CTNND2: variants seen among roughly 807,000 people sequenced by gnomAD.
The protein encoded by CTNND2 is catenin delta-2.
CTNND2 carries 22 observed loss-of-function variants against 144.4 expected under a neutral mutation model. That is an observed-to-expected ratio of 0.15 (90% confidence interval 0.11 to 0.22). The LOEUF (loss-of-function observed/expected upper bound fraction) is 0.22, where lower values mean the gene tolerates loss of function less well. CTNND2 is among the 10% of genes least tolerant of loss of function. The pLI, the probability that CTNND2 is intolerant of heterozygous loss-of-function variation, is 1.00. For missense variants in CTNND2, 1,353 were observed against 1,618.8 expected (o/e 0.84, Z 2.82); for synonymous variants, 751 against 695.6 (o/e 1.08, Z -1.25).
chr5:11,866,891 C>A (rs1397694143), intron 1 of CTNND2, among the ~76,000 whole-genome samples: 1 of 152,202 alleles, frequency 6.6e-6, no homozygotes, highest in African/African-American at 2.4e-5. Flanking sequence ...TGAACTCACT[C>A]CAAGACACTG....
chr5:11,762,534 T>G (rs1581841529), intron 1 of CTNND2, among the ~76,000 whole-genome samples: 1 of 152,286 alleles, frequency 6.6e-6, no homozygotes, highest in East Asian at 1.9e-4. Flanking sequence ...GAAAAGTAAA[T>G]TAAAGACAAA....
At chr5:11,086,243 G>A (rs867817067) in intron 15 of CTNND2, among the ~76,000 whole-genome samples, 22 of 152,198 alleles carry the variant, frequency 1.4e-4, no homozygotes, top group Middle Eastern at 3.4e-3. Context: ...ATGGAGGCAG[G>A]TGTGGGCCAA....
chr5:10,988,631 C>T lies in CTNND2; in HGVS notation c.3212-389G>A, dbSNP rs1241806501. 6.6e-6 allele frequency among the ~76,000 whole-genome samples: 1 copy of T among 152,126 alleles called. No homozygotes were observed. The highest frequency in any genetic ancestry group is 1.9e-4 in the East Asian group (1 of 5,198). Reference sequence around the variant, plus strand: ...TTCCTTCCCTTTCCTTCCCGTGCTCCCTTCCTTAATTAGATGTGTTTCAGA... The same window carrying T: ...TTCCTTCCCTTTCCTTCCCGTGCTCTCTTCCTTAATTAGATGTGTTTCAGA... On this transcript the variant is annotated intron_variant, in intron 19 of 21. Coordinates refer to ENST00000304623, the MANE Select transcript of CTNND2 (RefSeq NM_001332.4). The surrounding 1 kb of genome is among the most constrained non-coding windows in gnomAD (Gnocchi z 5.9).
At chr5:11,034,718 G>C (rs1477503309) in intron 16 of CTNND2, among the ~76,000 whole-genome samples, 1 of 151,742 alleles carries the variant, frequency 6.6e-6, no homozygotes, top group Admixed American at 6.6e-5. Flanking sequence ...TGGTTTCAAA[G>C]TTATAACTCA....
chr5:11,123,659 CT>C (rs1489950057), intron 12 of CTNND2, among the ~76,000 whole-genome samples: 1 of 152,250 alleles, frequency 6.6e-6, no homozygotes, highest in African/African-American at 2.4e-5. Flanking sequence ...AGCTTTGGAG[CT>C]TGATTAAAAT....
chr5:11,159,568 G>A lies in CTNND2; in HGVS notation c.2159+8C>T, dbSNP rs1056390226. 5 of 1,603,782 alleles carry A rather than the reference G, an allele frequency of 3.1e-6. No homozygotes were observed. Among genetic ancestry groups the A allele is most frequent in the Non-Finnish European group, 4.3e-6 (5 of 1,174,834 alleles). ...GGTGGGAGGAGGCACTCGTGACACA[G>A]GACTGACCTTAGGCACCCGGTGGCG... is the stretch of plus-strand genomic sequence containing the variant. On this transcript the variant is annotated splice_region_variant and intron_variant, in intron 12 of 21. Transcript: ENST00000304623.
At chr5:11,657,949 CTT>C (rs1043297577) in intron 2 of CTNND2, among the ~76,000 whole-genome samples, 3 of 152,078 alleles carry the variant, frequency 2.0e-5, no homozygotes, top group Non-Finnish European at 4.4e-5. Context: ...AACTTTATGA[CTT>C]TTGTTATACA....
At chr5:11,759,139 T>C (rs1247783344) in intron 1 of CTNND2, among the ~76,000 whole-genome samples, 1 of 152,044 alleles carries the variant, frequency 6.6e-6, no homozygotes, top group Non-Finnish European at 1.5e-5. Context: ...TGATTGGTCT[T>C]TTTGGAGGGA....
At chr5:11,438,223 C>T (rs61755478) in intron 3 of CTNND2, among the ~76,000 whole-genome samples, 2,005 of 152,282 alleles carry the variant, frequency 0.013, 54 homozygotes, top group African/African-American at 0.046. Flanking sequence ...AAAAATACAA[C>T]CACAAATGCA....
chr5:11,879,339 G>GTGTGTGTATATATA (rs1553988765), intron 1 of CTNND2, among the ~76,000 whole-genome samples: 1 of 100,964 alleles, frequency 9.9e-6, no homozygotes, highest in Non-Finnish European at 2.2e-5. Flanking sequence ...AATTAAATGT[G>GTGTGTGTATATATA]TGTATATATA....
chr5:11,671,702 T>C (rs1292383555), intron 2 of CTNND2, among the ~76,000 whole-genome samples: 1 of 152,066 alleles, frequency 6.6e-6, no homozygotes, highest in Non-Finnish European at 1.5e-5. Context: ...GGTTCTTAGC[T>C]TCCTTGCATT....
chr5:11,641,777 T>C (rs905314314), intron 2 of CTNND2, among the ~76,000 whole-genome samples: 2 of 145,530 alleles, frequency 1.4e-5, no homozygotes, highest in Admixed American at 6.8e-5. Flanking sequence ...CGTATATGTA[T>C]GTACATACAT....
intron 1 of CTNND2, among the ~76,000 whole-genome samples, chr5:11,762,027 C>A (rs532503094): frequency 6.6e-6 from 1 of 152,040 alleles, no homozygotes; most frequent in African/African-American, 2.4e-5. Flanking sequence ...CAGGCATAGG[C>A]GACTTCTATC....
At chr5:11,076,384 C>T (rs2149622551) in intron 16 of CTNND2, among the ~76,000 whole-genome samples, 1 of 152,304 alleles carries the variant, frequency 6.6e-6, no homozygotes, top group South Asian at 2.1e-4. Context: ...CCATCTACAC[C>T]AGGAACTGTC....
intron 1 of CTNND2, among the ~76,000 whole-genome samples, chr5:11,862,889 A>G (rs183176047): frequency 2.3e-4 from 35 of 152,316 alleles, no homozygotes; most frequent in Admixed American, 1.4e-3. Context: ...AGTGAATATC[A>G]TTTGAATACA....
chr5:11,220,682 C>T (rs967341660), intron 10 of CTNND2, among the ~76,000 whole-genome samples: 4 of 152,154 alleles, frequency 2.6e-5, no homozygotes, highest in Non-Finnish European at 4.4e-5. Flanking sequence ...GAGTCCCAGG[C>T]ATGCTACTGG....
intron 16 of CTNND2, among the ~76,000 whole-genome samples, chr5:11,052,937 T>C (rs1268611754): frequency 6.6e-6 from 1 of 152,192 alleles, no homozygotes; most frequent in Non-Finnish European, 1.5e-5. Flanking sequence ...TTTTTCCCCA[T>C]GAGTCAATTT....
chr5:11,715,019 A>G (rs1344747866), intron 2 of CTNND2, among the ~76,000 whole-genome samples: 1 of 152,218 alleles, frequency 6.6e-6, no homozygotes, highest in African/African-American at 2.4e-5. Flanking sequence ...CATTAAGGGA[A>G]ACAATAATAC....
intron 2 of CTNND2, among the ~76,000 whole-genome samples, chr5:11,597,453 A>C (rs1303733654): frequency 1.3e-5 from 2 of 152,148 alleles, no homozygotes; most frequent in African/African-American, 4.8e-5. Context: ...ACTGGATGAA[A>C]ATTTAAGGCT....
Sources: allele counts gnomAD v4.1 joint callset (sites outside exome capture counted in the v4.1 genomes callset), GRCh38; gene constraint gnomAD v4.1.1; non-coding constraint Gnocchi (gnomAD v3.1); transcripts MANE v1.5; gene names NCBI Gene and HGNC (gene_info 2026-07-23, HGNC 2026-07-21).